The following AFAP1L2 variants were observed in gnomAD, a reference collection of about 807,000 sequenced individuals.
AFAP1L2 encodes the protein actin filament-associated protein 1-like 2.
A neutral mutation model predicts 99.3 loss-of-function variants in AFAP1L2; 46 were observed. The ratio of observed to expected loss-of-function variants is 0.46; its 90% CI spans 0.37 to 0.59. The LOEUF is 0.59. Among genes scored for constraint, AFAP1L2 ranks in the 20% least tolerant of loss-of-function variants. The pLI is 0.00. For missense variants in AFAP1L2, 959 were observed against 1,034.9 expected (o/e 0.93, Z 1.01); for synonymous variants, 397 against 419.1 (o/e 0.95, Z 0.64).
In AFAP1L2 at chr10:114,295,454, T is replaced by C; in HGVS notation, c.*588A>G. On this transcript the variant is annotated 3_prime_UTR_variant, in exon 19 of 19. Coordinates refer to ENST00000304129, the MANE Select transcript of AFAP1L2 (RefSeq NM_001001936.3). ...TTGGTCCCAAATATTTTCCCCATTA[T>C]TGTTTCTCAAAACTCATGTCATAGA... 1.0e-6 allele frequency: 1 copy of C among 985,676 alleles called. No individual in the cohort carries two copies. Among genetic ancestry groups the C allele is most frequent in the Non-Finnish European group, 1.2e-6 (1 of 829,940 alleles). 61.1% of individuals were successfully genotyped at this position (985,676 alleles called of 1,614,324 possible).
At chr10:114,342,771 G>A (rs1168538547) in intron 1 of AFAP1L2, among the ~76,000 whole-genome samples, 1 of 152,204 alleles carries the variant, frequency 6.6e-6, no homozygotes, top group Non-Finnish European at 1.5e-5. Context: ...GTAGATTAAC[G>A]AGTTCGTGTT....
chr10:114,398,398 T>C (rs933986614), intron 1 of AFAP1L2, among the ~76,000 whole-genome samples: 3 of 152,224 alleles, frequency 2.0e-5, no homozygotes, highest in Non-Finnish European at 4.4e-5. Flanking sequence ...CCCCAACTTA[T>C]ATCTCCCAAC....
At chr10:114,388,638 T>C (rs1244120449) in intron 1 of AFAP1L2, among the ~76,000 whole-genome samples, 1 of 152,166 alleles carries the variant, frequency 6.6e-6, no homozygotes, top group East Asian at 1.9e-4. Flanking sequence ...ACTGAGACAA[T>C]GCTTGGCACA....
intron 1 of AFAP1L2, among the ~76,000 whole-genome samples, chr10:114,354,712 C>T (rs1348610967): frequency 6.6e-6 from 1 of 152,138 alleles, no homozygotes; most frequent in African/African-American, 2.4e-5. Context: ...AGAGGAGACC[C>T]CTCTTTTTCC....
At chr10:114,317,860 A>G (rs1232334691) in intron 5 of AFAP1L2, among the ~76,000 whole-genome samples, 5 of 152,228 alleles carry the variant, frequency 3.3e-5, no homozygotes, top group African/African-American at 1.2e-4. Flanking sequence ...ACAGTCTCAA[A>G]AAAAAGGGCG....
chr10:114,352,828 C>G (rs1590440575), intron 1 of AFAP1L2, among the ~76,000 whole-genome samples: 3 of 152,218 alleles, frequency 2.0e-5, no homozygotes, highest in African/African-American at 7.2e-5. Context: ...CCGACAGCCA[C>G]AAGGGGCAAT....
At chr10:114,340,800 C>A in intron 1 of AFAP1L2, 69 bp from the exon 2 acceptor site, 1 of 1,606,348 alleles carries the variant, frequency 6.2e-7, no homozygotes, top group Non-Finnish European at 8.5e-7. Flanking sequence ...AGATACACCT[C>A]GGGACCCTGC....
At chr10:114,306,073 A>T (rs1258884363) in intron 10 of AFAP1L2, among the ~76,000 whole-genome samples, 7 of 78,984 alleles carry the variant, frequency 8.9e-5, no homozygotes, top group Admixed American at 2.6e-4. Context: ...GCANGAAGCG[A>T]CGGGGCTGCA....
intron 1 of AFAP1L2, among the ~76,000 whole-genome samples, chr10:114,392,366 G>A (rs898945322): frequency 1.3e-5 from 2 of 152,234 alleles, no homozygotes; most frequent in African/African-American, 2.4e-5. Flanking sequence ...TCCAGCCTGG[G>A]TGACAGAGCA....
intron 5 of AFAP1L2, among the ~76,000 whole-genome samples, chr10:114,316,015 C>T (rs1590084781): frequency 6.6e-6 from 1 of 152,262 alleles, no homozygotes; most frequent in Non-Finnish European, 1.5e-5. Context: ...ACCAAAGTCT[C>T]TCCCTTTTCT....
chr10:114,339,575 C>T (rs951630987), intron 2 of AFAP1L2, among the ~76,000 whole-genome samples: 1 of 152,228 alleles, frequency 6.6e-6, no homozygotes, highest in African/African-American at 2.4e-5. Context: ...AAGTGTGTCC[C>T]CTGAAAATTC....
chr10:114,290,438 A>G, downstream of AFAP1L2: 3 of 1,528,846 alleles, frequency 2.0e-6, no homozygotes, highest in Non-Finnish European at 1.8e-6. Flanking sequence ...CCACAAACTC[A>G]GCTGAAGGCA....
upstream of AFAP1L2, chr10:114,404,602 C>G: frequency 8.2e-7 from 1 of 1,219,008 alleles, no homozygotes; most frequent in Non-Finnish European, 1.1e-6. Flanking sequence ...GCCCAGGGTC[C>G]TCGGACCTGG....
At chr10:114,359,082 A>T (rs2051832911) in intron 1 of AFAP1L2, among the ~76,000 whole-genome samples, 1 of 152,232 alleles carries the variant, frequency 6.6e-6, no homozygotes, top group Non-Finnish European at 1.5e-5. Context: ...AACAAACAGT[A>T]AAAGAAAATG....
At chr10:114,319,519 A>T in intron 5 of AFAP1L2, 3 of 1,261,290 alleles carry the variant, frequency 2.4e-6, no homozygotes, top group Non-Finnish European at 3.1e-6. Flanking sequence ...GACAGGCAGC[A>T]GGCAAGAATC....
chr10:114,291,203 C>A, downstream of AFAP1L2: 1 of 1,550,516 alleles, frequency 6.4e-7, no homozygotes, highest in Non-Finnish European at 8.7e-7. Context: ...CCTCAGACTT[C>A]ACTTCCTTCC....
chr10:114,281,678 T>C, the AFAP1L2 span: 2 of 961,924 alleles, frequency 2.1e-6, no homozygotes, highest in Non-Finnish European at 2.5e-6. Flanking sequence ...GTGGACCAGA[T>C]AGTAGCAGCA....
At chr10:114,302,595 C>T (rs577530203) in intron 11 of AFAP1L2, 111 bp from the exon 12 acceptor site, 2 of 1,364,480 alleles carry the variant, frequency 1.5e-6, no homozygotes, top group South Asian at 1.3e-5. Context: ...CCCACGAAAG[C>T]CTCTGTAACA....
intron 11 of AFAP1L2, among the ~76,000 whole-genome samples, chr10:114,302,842 TAAAA>T: frequency 6.6e-6 from 1 of 152,326 alleles, no homozygotes. Flanking sequence ...TTAAAATGAT[TAAAA>T]AATTGTATGT....
Sources: gnomAD v4.1 joint callset for allele counts (sites outside exome capture counted in the v4.1 genomes callset) on GRCh38, gnomAD v4.1.1 for gene constraint, MANE v1.5 for transcripts, NCBI Gene and HGNC (gene_info 2026-07-23, HGNC 2026-07-21) for gene names.